The following CDK17 variants were observed in gnomAD, a reference collection of about 807,000 sequenced individuals.
CDK17 encodes the protein cyclin-dependent kinase 17.
A neutral mutation model predicts 77.6 loss-of-function variants in CDK17; 24 were observed. That is an observed-to-expected ratio of 0.31 (90% CI 0.22 to 0.44). The LOEUF (loss-of-function observed/expected upper bound fraction) is 0.44. CDK17 is among the 20% of genes least tolerant of loss of function. The probability of loss-of-function intolerance (pLI) is 1.00; values close to 1 mark genes in which losing one functional copy is unlikely to be tolerated. For synonymous variants in CDK17, 203 were observed against 210.4 expected (o/e 0.96, Z 0.30); for missense variants, 429 against 622.5 (o/e 0.69, Z 3.31).
intron 7 of CDK17, 147 bp from the exon 8 acceptor site, chr12:96,297,868 G>T: frequency 2.1e-6 from 1 of 465,188 alleles, no homozygotes. Flanking sequence ...ACTTTTGAGA[G>T]ACCGAGGCAG....
intron 16 of CDK17, 34 bp from the exon 17 acceptor site, chr12:96,280,313 A>G: frequency 1.9e-6 from 3 of 1,549,344 alleles, no homozygotes; most frequent in South Asian, 1.2e-5. Flanking sequence ...AGGCAGTTCA[A>G]GGTTCAGTTT....
At chr12:96,384,858 A>C (rs1953946999) in intron 1 of CDK17, among the ~76,000 whole-genome samples, 1 of 151,810 alleles carries the variant, frequency 6.6e-6, no homozygotes, top group Non-Finnish European at 1.5e-5. Context: ...CAAAAAATCA[A>C]AGTTAGCCAG....
intron 11 of CDK17, 139 bp downstream of exon 11, chr12:96,289,028 C>T: frequency 2.4e-6 from 2 of 829,426 alleles, no homozygotes; most frequent in Non-Finnish European, 3.7e-6. Flanking sequence ...AATTCCCATG[C>T]CAGAACTCAT....
chr12:96,380,873 T>A (rs934149107), intron 1 of CDK17, among the ~76,000 whole-genome samples: 3 of 152,216 alleles, frequency 2.0e-5, no homozygotes, highest in Non-Finnish European at 2.9e-5. Context: ...TGGTAGAGAA[T>A]AACATTTTTA....
At chr12:96,313,771 G>T (rs1952673369) in intron 3 of CDK17, among the ~76,000 whole-genome samples, 1 of 152,070 alleles carries the variant, frequency 6.6e-6, no homozygotes, top group Non-Finnish European at 1.5e-5. Flanking sequence ...CTAGATCTGG[G>T]AACTGAGACT....
rs1208639972 is a variant in CDK17 at position 96,280,878 on chromosome 12, T to C, written c.1464A>G (p.Ser488=). 1.9e-6 allele frequency: 3 copies of C among 1,612,896 alleles called. No individual in the cohort carries two copies. The highest frequency in any genetic ancestry group is 3.3e-5 in the Admixed American group (2 of 59,850). The stretch of plus-strand genomic sequence containing the variant: ...ACTGAATCTCTTTCAAACTGAATAT[T>C]GATACACCTAAAATGCATAGACAAA... ...PRIHALPESV[S]IFSLKEIQLQ... The change falls in exon 16 of 17, where the codon TCA becomes TCG. Residue 488 remains serine, a synonymous_variant. Coordinates refer to ENST00000261211, the MANE Select transcript of CDK17 (RefSeq NM_002595.5).
chr12:96,295,682 C>A (rs1235481118), intron 9 of CDK17, among the ~76,000 whole-genome samples: 1 of 152,152 alleles, frequency 6.6e-6, no homozygotes, highest in African/African-American at 2.4e-5. Flanking sequence ...CTAACCTAAA[C>A]CAGCTTCTAT....
chr12:96,317,523 A>G (rs866901692), intron 3 of CDK17, among the ~76,000 whole-genome samples: 51 of 110,998 alleles, frequency 4.6e-4, no homozygotes, highest in Non-Finnish European at 7.4e-4. Context: ...GAAATGAAGG[A>G]AAAAATGTTA....
intron 10 of CDK17, among the ~76,000 whole-genome samples, chr12:96,291,929 T>A (rs1475965470): frequency 2.0e-5 from 3 of 151,580 alleles, no homozygotes; most frequent in Non-Finnish European, 4.4e-5. Flanking sequence ...ATAAAGAGCA[T>A]TACATGCAGG....
chr12:96,369,567 C>T (rs1293397006), intron 1 of CDK17, among the ~76,000 whole-genome samples: 1 of 152,104 alleles, frequency 6.6e-6, no homozygotes, highest in Admixed American at 6.5e-5. Context: ...CACTTGAGGT[C>T]TAAAGTTTGA....
At chr12:96,382,418 G>A (rs1296439883) in intron 1 of CDK17, among the ~76,000 whole-genome samples, 5 of 148,512 alleles carry the variant, frequency 3.4e-5, no homozygotes, top group South Asian at 2.1e-4. Context: ...ATTCACAGCC[G>A]AATTCTACCA....
At chr12:96,316,329 C>A (rs1015501626) in intron 3 of CDK17, among the ~76,000 whole-genome samples, 16 of 151,884 alleles carry the variant, frequency 1.1e-4, no homozygotes, top group Non-Finnish European at 2.4e-4. Context: ...TTGCTGATTG[C>A]TAGCACAGCA....
At chr12:96,311,647 C>G (rs1309765756) in intron 4 of CDK17, among the ~76,000 whole-genome samples, 1 of 150,536 alleles carries the variant, frequency 6.6e-6, no homozygotes, top group East Asian at 1.9e-4. Context: ...TGAAAAGAAT[C>G]TTGCCTATAT....
intron 5 of CDK17, among the ~76,000 whole-genome samples, chr12:96,304,956 T>C (rs1952558695): frequency 6.6e-6 from 1 of 152,236 alleles, no homozygotes; most frequent in African/African-American, 2.4e-5. Flanking sequence ...TAGGAAGGCA[T>C]ATGCTCTTAA....
chr12:96,372,919 T>C (rs1029276569), intron 1 of CDK17, among the ~76,000 whole-genome samples: 1 of 152,192 alleles, frequency 6.6e-6, no homozygotes, highest in Non-Finnish European at 1.5e-5. Context: ...AGAATATTGT[T>C]TGGGCTATCT....
chr12:96,347,672 CT>C (rs1193494392), intron 1 of CDK17, among the ~76,000 whole-genome samples: 1 of 144,898 alleles, frequency 6.9e-6, no homozygotes, highest in East Asian at 2.1e-4. Flanking sequence ...AAATATAGGA[CT>C]TGAACAGCAC....
chr12:96,301,948 A>T lies in CDK17; in HGVS notation c.544-1588T>A, dbSNP rs777087106. On this transcript the variant is annotated intron_variant, in intron 5 of 16. Coordinates refer to ENST00000261211, the MANE Select transcript of CDK17 (RefSeq NM_002595.5). ...TATTAAAAGCCATGTGGAAAACTGC[A>T]CGTCCAATAGTACTTAATTCAATTT... is the stretch of plus-strand genomic sequence containing the variant. Among the ~76,000 whole-genome samples the T allele has an allele frequency of 1.3e-4, 20 of 152,302 alleles. No homozygotes were observed. The South Asian group carries it at 1.7e-3, about 13-fold the overall frequency.
intron 1 of CDK17, among the ~76,000 whole-genome samples, chr12:96,347,057 A>G (rs564721955): frequency 4.3e-4 from 65 of 152,352 alleles, no homozygotes; most frequent in African/African-American, 1.5e-3. Context: ...ACAGAGTATG[A>G]TAACAAGACA....
chr12:96,361,195 T>A (rs1294044691), intron 1 of CDK17, among the ~76,000 whole-genome samples: 1 of 152,174 alleles, frequency 6.6e-6, no homozygotes, highest in Non-Finnish European at 1.5e-5. Context: ...GATGCTGGCA[T>A]CTCTGAGGGG....
Sources: gnomAD v4.1 joint callset for allele counts (sites outside exome capture counted in the v4.1 genomes callset) on GRCh38, gnomAD v4.1.1 for gene constraint, MANE v1.5 for transcripts, NCBI Gene and HGNC (gene_info 2026-07-23, HGNC 2026-07-21) for gene names.